CALCRL: variants seen among roughly 807,000 people sequenced by gnomAD.
The protein encoded by CALCRL is calcitonin gene-related peptide type 1 receptor.
In CALCRL, 27 loss-of-function variants were observed where a neutral mutation model predicts 60.4. The observed-to-expected ratio is 0.45, with a 90% CI of 0.33 to 0.62. CALCRL has a LOEUF of 0.62. Among genes scored for constraint, CALCRL ranks in the 20% least tolerant of loss-of-function variants. The pLI is 0.03. For missense variants in CALCRL, 424 were observed against 540.7 expected (o/e 0.78, Z 2.14); for synonymous variants, 190 against 182.6 (o/e 1.04, Z -0.33).
At chr2:187,378,851 T>C in intron 8 of CALCRL, 89 bp downstream of exon 8, 1 of 711,448 alleles carries the variant, frequency 1.4e-6, no homozygotes, top group South Asian at 1.8e-5. Flanking sequence ...TATTGGTATA[T>C]TTTGTCAGAC....
intron 1 of CALCRL, among the ~76,000 whole-genome samples, chr2:187,418,994 T>C (rs991212088): frequency 9.3e-5 from 14 of 149,814 alleles, no homozygotes; most frequent in Non-Finnish European, 1.5e-4. Flanking sequence ...GTAGGTGGGA[T>C]TACAGGCACG....
At chr2:187,363,957 G>A (rs1687169062) in intron 8 of CALCRL, among the ~76,000 whole-genome samples, 1 of 152,134 alleles carries the variant, frequency 6.6e-6, no homozygotes, top group Non-Finnish European at 1.5e-5. Context: ...AAAACTGTGT[G>A]TTTTGTTGTG....
chr2:187,377,799 T>G lies in CALCRL; in HGVS notation c.500+1141A>C, dbSNP rs371467227. 1.6e-4 allele frequency among the ~76,000 whole-genome samples: 25 copies of G among 152,236 alleles called. 2 individuals are homozygous for G. The highest frequency in any genetic ancestry group is 8.5e-4 in the Admixed American group (13 of 15,290). ...GCTGCTCAAATGATTGTTTAAAAAC[T>G]GTTCAGTAACATATAAAGTGCTAAT... On this transcript the variant is annotated intron_variant, in intron 8 of 14. Coordinates refer to ENST00000392370, the MANE Select transcript of CALCRL (RefSeq NM_005795.6).
At chr2:187,351,642 A>AT in intron 14 of CALCRL, among the ~76,000 whole-genome samples, 1 of 151,936 alleles carries the variant, frequency 6.6e-6, no homozygotes, top group South Asian at 2.1e-4. Flanking sequence ...CTCAGACTTA[A>AT]TGGGACTCAA....
chr2:187,378,823 A>G, intron 8 of CALCRL, 117 bp downstream of exon 8: 1 of 577,192 alleles, frequency 1.7e-6, no homozygotes, highest in South Asian at 2.6e-5. Context: ...ACTTATTTTA[A>G]ACATTATAAA....
intron 1 of CALCRL, among the ~76,000 whole-genome samples, chr2:187,396,121 C>A (rs1688642307): frequency 6.6e-6 from 1 of 151,160 alleles, no homozygotes; most frequent in African/African-American, 2.4e-5. Flanking sequence ...AAAAAGTGGA[C>A]CATTTGGCTA....
Position 187,448,174 on chromosome 2 carries a change from G to A in CALCRL, c.-428C>T, listed in dbSNP as rs1691278088. 1.3e-5 allele frequency: 2 copies of A among 151,968 alleles called. No individual in the cohort carries two copies. Among genetic ancestry groups the A allele is most frequent in the Non-Finnish European group, 2.9e-5 (2 of 67,998 alleles). 9.4% of individuals were successfully genotyped at this position (151,968 alleles called of 1,614,324 possible). ...GCTTTGCAATGTGATCCTGCAATTA[G>A]GATGAGATTCAGTTAGCAGAGCTTG... On this transcript the variant is annotated 5_prime_UTR_variant, in exon 1 of 15. Transcript: ENST00000392370.
At chr2:187,378,467 A>C (rs1006756387) in intron 8 of CALCRL, among the ~76,000 whole-genome samples, 1 of 152,190 alleles carries the variant, frequency 6.6e-6, no homozygotes, top group African/African-American at 2.4e-5. Context: ...AAACCTTTTT[A>C]ATGATGACCC....
At chr2:187,347,960 G>A (rs984422064) in intron 14 of CALCRL, among the ~76,000 whole-genome samples, 1 of 151,654 alleles carries the variant, frequency 6.6e-6, no homozygotes, top group Non-Finnish European at 1.5e-5. Flanking sequence ...ACATTATGAT[G>A]AAGTTCAGTA....
rs1559033816 is a variant in CALCRL, at chr2:187,345,405, C to T, written c.*779G>A. On this transcript the variant is annotated 3_prime_UTR_variant, in exon 15 of 15. Coordinates refer to ENST00000392370, the MANE Select transcript of CALCRL (RefSeq NM_005795.6). Reference sequence around the variant, plus strand: ...TTATATTTACAGCTAGGAATTCCCTCCCACTGTTTGGTAAGACAGGAAGAG... The same window carrying T: ...TTATATTTACAGCTAGGAATTCCCTTCCACTGTTTGGTAAGACAGGAAGAG... The T allele has an allele frequency of 6.6e-6, 1 of 152,188 alleles. No homozygotes were observed. The highest frequency in any genetic ancestry group is 1.5e-5 in the Non-Finnish European group (1 of 67,826). 9.4% of individuals were successfully genotyped at this position (152,188 alleles called of 1,614,324 possible).
At chr2:187,406,844 T>C (rs918809119) in intron 1 of CALCRL, among the ~76,000 whole-genome samples, 2 of 152,062 alleles carry the variant, frequency 1.3e-5, no homozygotes. Flanking sequence ...AATTAAAAAC[T>C]GAAAAATCTT....
chr2:187,418,444 A>G (rs574906483), intron 1 of CALCRL, among the ~76,000 whole-genome samples: 1 of 152,306 alleles, frequency 6.6e-6, no homozygotes, highest in South Asian at 2.1e-4. Flanking sequence ...ACTTAATGAC[A>G]CTGTATCATG....
intron 1 of CALCRL, chr2:187,442,149 C>T (rs1574333523): frequency 6.8e-6 from 1 of 146,130 alleles, no homozygotes; most frequent in East Asian, 2.0e-4. Flanking sequence ...CACACACATA[C>T]ATACACACAC....
rs1686265935 is a variant in CALCRL at position 187,346,292 on chromosome 2, G to A, written c.1278C>T (p.Ile426=). ...CATGACTATAACCTGGACCATCACT[G>A]ATTGTTGACACTGTGTAAGACGCAC... ...LRSASYTVST[I]SDGPGYSHDC... The change falls in exon 15 of 15, where the codon ATC becomes ATT. Residue 426 remains isoleucine, a synonymous_variant. Transcript: ENST00000392370. 2 of 1,612,264 alleles carry A rather than the reference G, an allele frequency of 1.2e-6. No homozygotes were observed. Among genetic ancestry groups the A allele is most frequent in the African/African-American group, 1.3e-5 (1 of 74,894 alleles).
At chr2:187,360,029 A>T (rs905770111) in intron 10 of CALCRL, among the ~76,000 whole-genome samples, 3 of 152,052 alleles carry the variant, frequency 2.0e-5, no homozygotes, top group African/African-American at 7.2e-5. Flanking sequence ...TCTGCACTTC[A>T]TATTTTGTAT....
At chr2:187,426,500 C>G (rs1325965328) in intron 1 of CALCRL, among the ~76,000 whole-genome samples, 1 of 151,936 alleles carries the variant, frequency 6.6e-6, no homozygotes, top group Non-Finnish European at 1.5e-5. Flanking sequence ...GCTAACACGT[C>G]TGGAAGGCTT....
At chr2:187,367,526 T>A (rs1356035105) in intron 8 of CALCRL, among the ~76,000 whole-genome samples, 1 of 152,080 alleles carries the variant, frequency 6.6e-6, no homozygotes, top group Non-Finnish European at 1.5e-5. Flanking sequence ...TTGGTACAAA[T>A]AAAATCAACC....
chr2:187,366,249 CAAAAAAAAAA>C (rs59586461), intron 8 of CALCRL, among the ~76,000 whole-genome samples: 1 of 94,630 alleles, frequency 1.1e-5, no homozygotes, highest in Non-Finnish European at 2.0e-5. Flanking sequence ...GACTCCGTCT[CAAAAAAAAAA>C]AAAAAAAAAA....
At chr2:187,432,026 T>C (rs1448785456) in intron 1 of CALCRL, among the ~76,000 whole-genome samples, 1 of 152,108 alleles carries the variant, frequency 6.6e-6, no homozygotes, top group Non-Finnish European at 1.5e-5. Context: ...CAGGAATGAC[T>C]TGGCTAGTTC....
Sources: allele counts gnomAD v4.1 joint callset (sites outside exome capture counted in the v4.1 genomes callset), GRCh38; gene constraint gnomAD v4.1.1; transcripts MANE v1.5; gene names NCBI Gene and HGNC (gene_info 2026-07-23, HGNC 2026-07-21).